The following PRR5L variants were observed in gnomAD, a reference collection of about 807,000 sequenced individuals.
PRR5L encodes the protein proline-rich protein 5-like.
Under a neutral mutation model 36.4 loss-of-function variants are expected in PRR5L, and 21 were observed. The ratio of observed to expected loss-of-function variants is 0.58; its 90% CI spans 0.41 to 0.83. The LOEUF (loss-of-function observed/expected upper bound fraction) is 0.83. Ranked by LOEUF, PRR5L falls within the 40% of genes least tolerant of loss-of-function variation. PRR5L has a pLI of 0.00. For missense variants in PRR5L, 381 were observed against 473.3 expected (o/e 0.80, Z 1.81); for synonymous variants, 188 against 197.0 (o/e 0.95, Z 0.38).
At chr11:36,397,069 T>TTTC (rs201180227) in intron 1 of PRR5L, among the ~76,000 whole-genome samples, 47 of 135,322 alleles carry the variant, frequency 3.5e-4, no homozygotes, top group African/African-American at 1.5e-3. Flanking sequence ...TTTCTTTTCT[T>TTTC]TTTTTTTTTT....
intron 1 of PRR5L, among the ~76,000 whole-genome samples, chr11:36,351,358 A>G (rs1248655533): frequency 2.3e-5 from 2 of 87,748 alleles, no homozygotes; most frequent in African/African-American, 4.7e-5. Flanking sequence ...TAATAAATAT[A>G]TATAAATATA....
intron 1 of PRR5L, among the ~76,000 whole-genome samples, chr11:36,345,460 C>T (rs138665965): frequency 2.6e-3 from 398 of 152,162 alleles, no homozygotes; most frequent in African/African-American, 9.3e-3. Context: ...CCGTGGATAG[C>T]ATTTTCAGGA....
rs148247167 is a variant in PRR5L, at chr11:36,446,937, A to G, written c.585+497A>G. On this transcript the variant is annotated intron_variant, in intron 7 of 8. Coordinates refer to ENST00000530639, the MANE Select transcript of PRR5L (RefSeq NM_001160167.2). ...TATCTGGGCTACTTTGTCTGTCTTCATCTTATCCTATCTTTCCTGGACTTG... is the reference window on the plus strand; with the variant it reads ...TATCTGGGCTACTTTGTCTGTCTTCGTCTTATCCTATCTTTCCTGGACTTG... 1.2e-3 allele frequency among the ~76,000 whole-genome samples: 190 copies of G among 152,268 alleles called. 2 individuals are homozygous for G. Among genetic ancestry groups the G allele is most frequent in the Non-Finnish European group, 2.3e-3 (159 of 68,030 alleles).
chr11:36,455,407 G>A (rs1383221256), intron 8 of PRR5L: 1 of 153,290 alleles, frequency 6.5e-6, no homozygotes, highest in African/African-American at 2.4e-5. Flanking sequence ...CGGTGCAGGG[G>A]ATGAATGCCA....
intron 1 of PRR5L, among the ~76,000 whole-genome samples, chr11:36,351,628 TATATAA>T (rs1312172262): frequency 0.022 from 333 of 15,358 alleles, 121 homozygotes; most frequent in African/African-American, 0.062. Flanking sequence ...TTTATATATT[TATATAA>T]ATATATATTT....
At chr11:36,414,812 C>T (rs1274243323) in intron 3 of PRR5L, among the ~76,000 whole-genome samples, 1 of 147,286 alleles carries the variant, frequency 6.8e-6, no homozygotes, top group Admixed American at 6.7e-5. Flanking sequence ...ATGGTAATGC[C>T]TAGGTTTTCT....
intron 1 of PRR5L, among the ~76,000 whole-genome samples, chr11:36,325,016 T>C (rs865997575): frequency 2.0e-5 from 3 of 152,176 alleles, no homozygotes; most frequent in Non-Finnish European, 4.4e-5. Flanking sequence ...CCCAAGATGA[T>C]GGTGGGCTGC....
At chr11:36,374,517 G>A (rs1408482860) in intron 1 of PRR5L, among the ~76,000 whole-genome samples, 2 of 152,094 alleles carry the variant, frequency 1.3e-5, no homozygotes, top group Non-Finnish European at 2.9e-5. Context: ...TAAATAGGTG[G>A]AATAGGGTAG....
At chr11:36,343,437 C>T (rs759029237) in intron 1 of PRR5L, among the ~76,000 whole-genome samples, 1 of 152,184 alleles carries the variant, frequency 6.6e-6, no homozygotes, top group Non-Finnish European at 1.5e-5. Flanking sequence ...GTCTCACAAC[C>T]TTGCCTCTGA....
At chr11:36,373,672 AC>A (rs1857220302) in intron 1 of PRR5L, among the ~76,000 whole-genome samples, 1 of 152,100 alleles carries the variant, frequency 6.6e-6, no homozygotes, top group African/African-American at 2.4e-5. Context: ...AAAGAATTTA[AC>A]CTCTTTAAAC....
intron 4 of PRR5L, among the ~76,000 whole-genome samples, chr11:36,424,642 C>A (rs77552122): frequency 1.3e-5 from 2 of 152,280 alleles, no homozygotes; most frequent in East Asian, 3.9e-4. Context: ...ATAAGGAGAA[C>A]AGAATTAATG....
intron 1 of PRR5L, among the ~76,000 whole-genome samples, chr11:36,333,479 G>A (rs1395345268): frequency 5.3e-5 from 8 of 152,100 alleles, no homozygotes; most frequent in Non-Finnish European, 1.2e-4. Context: ...CAACCCAAAT[G>A]TCCATTGACT....
At chr11:36,430,270 G>C (rs1858466485) in intron 4 of PRR5L, among the ~76,000 whole-genome samples, 1 of 151,778 alleles carries the variant, frequency 6.6e-6, no homozygotes, top group Non-Finnish European at 1.5e-5. Context: ...AAATTAGCTG[G>C]GCATGGTGGC....
chr11:36,304,639 A>G (rs776712720), intron 1 of PRR5L, among the ~76,000 whole-genome samples: 3 of 152,202 alleles, frequency 2.0e-5, no homozygotes, highest in Non-Finnish European at 4.4e-5. Flanking sequence ...TTTTGTTTTC[A>G]CAAATAGTGT....
intron 1 of PRR5L, among the ~76,000 whole-genome samples, chr11:36,357,023 G>GA (rs1301075626): frequency 6.6e-6 from 1 of 152,160 alleles, no homozygotes; most frequent in Non-Finnish European, 1.5e-5. Context: ...GAATGCAAAG[G>GA]AAAAGTTCTT....
At chr11:36,384,260 C>G (rs894648336) in intron 1 of PRR5L, among the ~76,000 whole-genome samples, 27 of 152,152 alleles carry the variant, frequency 1.8e-4, no homozygotes, top group African/African-American at 6.5e-4. Flanking sequence ...TTCAGTTGAC[C>G]TTTCATTAGC....
At chr11:36,389,449 C>T (rs932117892) in intron 1 of PRR5L, among the ~76,000 whole-genome samples, 5 of 152,136 alleles carry the variant, frequency 3.3e-5, no homozygotes, top group African/African-American at 1.2e-4. Flanking sequence ...ATCTTAACAA[C>T]GTGCACATAA....
chr11:36,446,341 C>A lies in PRR5L; in HGVS notation c.486C>A (p.Phe162Leu), dbSNP rs1858828847. The A allele has an allele frequency of 1.2e-6, 2 of 1,613,988 alleles. No homozygotes were observed. The highest frequency in any genetic ancestry group is 2.7e-5 in the African/African-American group (2 of 74,916). ...TCCGCCAGATCTCCCTGCTGGGCTT[C>A]CGAGACCTAGTCTTGCTGAAGGTGA... The part of the protein sequence containing the change: ...LTIRQISLLG[F>L]RDLVLLKVKL... Residue 162 changes from phenylalanine to leucine, a missense_variant, in exon 7 of 9, where the codon TTC (phenylalanine) becomes TTA (leucine). By Grantham distance (22) the Phe-to-Leu change is conservative (BLOSUM62 0). Transcript: ENST00000530639.
At chr11:36,423,975 G>A (rs1858327029) in intron 4 of PRR5L, among the ~76,000 whole-genome samples, 1 of 152,126 alleles carries the variant, frequency 6.6e-6, no homozygotes, top group African/African-American at 2.4e-5. Context: ...GCCTGTCAGA[G>A]GTCACCTCTC....
Sources: gnomAD v4.1 joint callset for allele counts (sites outside exome capture counted in the v4.1 genomes callset) on GRCh38, gnomAD v4.1.1 for gene constraint, MANE v1.5 for transcripts, NCBI Gene and HGNC (gene_info 2026-07-23, HGNC 2026-07-21) for gene names.